The following PLPPR2 variants were observed in gnomAD, a reference collection of about 807,000 sequenced individuals.
PLPPR2 encodes phospholipid phosphatase related 2.
A neutral mutation model predicts 40.3 loss-of-function variants in PLPPR2; 11 were observed. The observed-to-expected ratio is 0.27, with a 90% CI of 0.17 to 0.45. The LOEUF is 0.45. Among genes scored for constraint, PLPPR2 ranks in the 20% least tolerant of loss-of-function variants. PLPPR2 has a pLI of 1.00. For synonymous variants in PLPPR2, 260 were observed against 290.8 expected, an observed-to-expected ratio of 0.89 and a Z score of 1.08; for missense variants, 497 against 640.7, an observed-to-expected ratio of 0.78 and a Z score of 2.42.
rs1338273378 is a variant in PLPPR2 at position 11,364,646 on chromosome 19, A to G, written c.1315A>G (p.Asn439Asp). 6.5e-7 allele frequency: 1 copy of G among 1,537,078 alleles called. No individual in the cohort carries two copies. The highest frequency in any genetic ancestry group is 2.0e-5 in the Admixed American group (1 of 50,976). The change falls in exon 10 of 10, where the codon AAC becomes GAC. Residue 439 changes from asparagine to aspartate, a missense_variant. Coordinates refer to ENST00000688289, the MANE Select transcript of PLPPR2 (RefSeq NM_001393892.1). This position sits in a 1 kb window ranked among gnomAD's most constrained non-coding sequence, Gnocchi z 5.8. Reference sequence around the variant, plus strand: ...CTATCCCTCCCCCTTCCACCGGGACAACTTCAGCCCTTACCTGTTTGCCAG... The same window carrying G: ...CTATCCCTCCCCCTTCCACCGGGACGACTTCAGCCCTTACCTGTTTGCCAG... ...GLYPSPFHRD[N>D]FSPYLFASRD...
In PLPPR2 at chr19:11,359,944, G is replaced by A; in HGVS notation, c.379G>A (p.Val127Ile). 6.2e-7 allele frequency: 1 copy of A among 1,606,660 alleles called. No homozygotes were observed. The highest frequency in any genetic ancestry group is 8.5e-7 in the Non-Finnish European group (1 of 1,175,984). Residue 127 changes from valine (V) to isoleucine (I), a missense_variant, in exon 5 of 10, where the codon GTC becomes ATC. Val to Ile is a conservative substitution (Grantham distance 29). Coordinates refer to ENST00000688289, the MANE Select transcript of PLPPR2 (RefSeq NM_001393892.1). This position sits in a 1 kb window ranked among gnomAD's most constrained non-coding sequence, Gnocchi z 5.6. The stretch of plus-strand genomic sequence containing the variant: ...CTTCAGCCCCCCAGTGCGGAGGCTG[G>A]TCCGCTTCCTGGGTGAGAGACATGG... ...CRFSPPVRRL[V>I]RFLGVYSFGL...
In PLPPR2 at chr19:11,364,348, G is replaced by A. The variant is rs201223823; in HGVS notation, c.1017G>A (p.Lys339=). ...HSTPARLTPS[K]SQNCARRGHL... Reference sequence around the variant, plus strand: ...TGATATCTGGCTTCTGACCACCAGAGTCGCAGAACTGCGCCCGCCGTGGCC... The same window carrying A: ...TGATATCTGGCTTCTGACCACCAGAATCGCAGAACTGCGCCCGCCGTGGCC... Residue 339 remains lysine (K), a splice_region_variant and synonymous_variant, in exon 10 of 10, where the codon AAG becomes AAA. Transcript: ENST00000688289. The surrounding 1 kb of genome is among the most constrained non-coding windows in gnomAD (Gnocchi z 5.8). 6.6e-7 allele frequency: 1 copy of A among 1,517,824 alleles called. No individual in the cohort carries two copies. The highest frequency in any genetic ancestry group is 8.8e-7 in the Non-Finnish European group (1 of 1,134,188). 94.0% of individuals were successfully genotyped at this position (1,517,824 alleles called of 1,614,324 possible). A position where few individuals can be genotyped will look rare whatever the true frequency, so the allele number is the denominator to read the frequency against.
At chr19:11,358,663 C>G (rs1268690828) in intron 3 of PLPPR2, among the ~76,000 whole-genome samples, 38 of 148,682 alleles carry the variant, frequency 2.6e-4, no homozygotes, top group Admixed American at 9.5e-4. Context: ...TTTCCTCTCT[C>G]TCTGTTTTTT....
chr19:11,364,507 G>A lies in PLPPR2; in HGVS notation c.1176G>A (p.Gln392=). ...PLPLPAPTPS[Q]GPSPSSPGPG... is the part of the protein sequence containing the mutation. ...CCCTGCCAGCGCCCACCCCCAGCCA[G>A]GGCCCCTCGCCTTCCTCCCCTGGAC... is the stretch of plus-strand genomic sequence containing the variant. The change falls in exon 10 of 10, where the codon CAG becomes CAA. Residue 392 remains glutamine, a synonymous_variant. Transcript: ENST00000688289. This position sits in a 1 kb window ranked among gnomAD's most constrained non-coding sequence, Gnocchi z 5.8. 1 of 1,526,280 alleles carries A rather than the reference G, an allele frequency of 6.6e-7. No homozygotes were observed. Among genetic ancestry groups the A allele is most frequent in the Non-Finnish European group, 8.8e-7 (1 of 1,141,248 alleles). The allele number at this position is 1,526,280 out of a possible 1,614,324, so 94.5% of individuals were successfully genotyped here.
Position 11,361,141 on chromosome 19 carries a change from G to C in PLPPR2, c.392-76G>C. On this transcript the variant is annotated intron_variant, in intron 5 of 9. Transcript: ENST00000688289. This position sits in a 1 kb window ranked among gnomAD's most constrained non-coding sequence, Gnocchi z 6.3. ...CTTTAATGACAGTCACAGGAAAAGGGAGCTAAGAGGCCCAATGGAATCAGT... is the reference window on the plus strand; with the variant it reads ...CTTTAATGACAGTCACAGGAAAAGGCAGCTAAGAGGCCCAATGGAATCAGT... 1.3e-6 allele frequency: 2 copies of C among 1,511,352 alleles called. No individual in the cohort carries two copies. The highest frequency in any genetic ancestry group is 2.5e-5 in the South Asian group (2 of 78,674). The allele number at this position is 1,511,352 out of a possible 1,614,324, so 93.6% of individuals were successfully genotyped here.
In PLPPR2 at chr19:11,362,609, G is replaced by A. The variant is rs917563422; in HGVS notation, c.760G>A (p.Val254Ile). 1 of 1,613,676 alleles carries A rather than the reference G, an allele frequency of 6.2e-7. No individual in the cohort carries two copies. The highest frequency in any genetic ancestry group is 8.5e-7 in the Non-Finnish European group (1 of 1,180,002). The change falls in exon 7 of 10, where the codon GTC becomes ATC. Residue 254 changes from valine (V) to isoleucine (I), a missense_variant. Coordinates refer to ENST00000688289, the MANE Select transcript of PLPPR2 (RefSeq NM_001393892.1). The surrounding 1 kb of genome is among the most constrained non-coding windows in gnomAD (Gnocchi z 5.3). ...LLCPAFLVGVVRVAEYRNHWS... is the reference protein window; with the variant it reads ...LLCPAFLVGVIRVAEYRNHWS... ...GTGCCCGGCCTTCCTGGTGGGCGTG[G>A]TCCGCGTGGCCGAGTACCGAAACCA...
In PLPPR2 at chr19:11,362,669, G is replaced by A; in HGVS notation, c.820G>A (p.Ala274Thr). The change falls in exon 7 of 10, where the codon GCG becomes ACG. Residue 274 changes from alanine (A) to threonine (T), a missense_variant. By Grantham distance (58) the Ala-to-Thr change is moderately conservative. Transcript: ENST00000688289. The surrounding 1 kb of genome is among the most constrained non-coding windows in gnomAD (Gnocchi z 5.3). ...SDVLAGFLTG[A>T]AIATFLVTCV... ...CGTGCTGGCTGGCTTCCTGACAGGG[G>A]CGGCCATCGCCACCTTTTTGGTGAG... 1.9e-6 allele frequency: 3 copies of A among 1,612,898 alleles called. No homozygotes were observed. Among genetic ancestry groups the A allele is most frequent in the Non-Finnish European group, 2.5e-6 (3 of 1,179,228 alleles).
rs377097574 is a variant in PLPPR2, at chr19:11,359,653, C to A, written c.188C>A (p.Pro63His). Residue 63 changes from proline to histidine, a missense_variant, in exon 4 of 10, where the codon CCT (proline) becomes CAT (histidine). Pro to His is a moderately conservative substitution (Grantham distance 77). Transcript: ENST00000688289. This position sits in a 1 kb window ranked among gnomAD's most constrained non-coding sequence, Gnocchi z 5.6. The part of the protein sequence containing the change: ...DSTYAKPYPG[P>H]EAASRVPPAL... ...ACCTACGCCAAGCCCTACCCAGGGC[C>A]TGAGGCTGCCAGCCGAGTGCCTCCT... 1 of 1,612,634 alleles carries A rather than the reference C, an allele frequency of 6.2e-7. No individual in the cohort carries two copies. Among genetic ancestry groups the A allele is most frequent in the African/African-American group, 1.3e-5 (1 of 74,924 alleles).
chr19:11,356,234 T>C (rs1330544355), intron 1 of PLPPR2, among the ~76,000 whole-genome samples: 3 of 152,070 alleles, frequency 2.0e-5, no homozygotes, highest in Non-Finnish European at 4.4e-5. Context: ...AATAAGAGAC[T>C]GTTAGTGTGT....
At position 11,357,711 on chromosome 19, in the gene PLPPR2, C is replaced by G. The variant is rs1475469317; in HGVS notation, c.38C>G (p.Ser13Cys). ...AGACCGCATCTGAAGAGGAGTTTCTCCATCATCCCCTGCTTTGTCTTCGTG... is the reference window on the plus strand; with the variant it reads ...AGACCGCATCTGAAGAGGAGTTTCTGCATCATCCCCTGCTTTGTCTTCGTG... ...GGRPHLKRSFSIIPCFVFVES... is the reference protein window; with the variant it reads ...GGRPHLKRSFCIIPCFVFVES... Residue 13 changes from serine to cysteine, a missense_variant, in exon 3 of 10, where the codon TCC (serine) becomes TGC (cysteine). Physicochemically the swap from Ser to Cys is moderately radical, Grantham distance 112. Transcript: ENST00000688289. 1.2e-6 allele frequency: 2 copies of G among 1,607,004 alleles called. No homozygotes were observed. The highest frequency in any genetic ancestry group is 2.3e-5 in the East Asian group (1 of 44,442).
intron 5 of PLPPR2, among the ~76,000 whole-genome samples, chr19:11,360,316 G>A (rs1356931117): frequency 6.6e-6 from 1 of 151,860 alleles, no homozygotes; most frequent in Non-Finnish European, 1.5e-5. Flanking sequence ...AGAATTCCAG[G>A]GAAAAGCTGG....
rs539301238 is a variant in PLPPR2 at position 11,361,073 on chromosome 19, A to C, written c.392-144A>C. 9.2e-7 allele frequency: 1 copy of C among 1,086,526 alleles called. No homozygotes were observed. The highest frequency in any genetic ancestry group is 2.6e-5 in the East Asian group (1 of 38,024). 67.3% of individuals were successfully genotyped at this position (1,086,526 alleles called of 1,614,324 possible). A position where few individuals can be genotyped will look rare whatever the true frequency, so the allele number is the denominator to read the frequency against. On this transcript the variant is annotated intron_variant, in intron 5 of 9. Coordinates refer to ENST00000688289, the MANE Select transcript of PLPPR2 (RefSeq NM_001393892.1). The surrounding 1 kb of genome is among the most constrained non-coding windows in gnomAD (Gnocchi z 6.3). ...CTCAGAGTACCTTCATGGTGGTCTT[A>C]AAGGAAGGGGGATGTTGGCACAACT...
Position 11,364,235 on chromosome 19 carries a change from G to T in PLPPR2, c.1015+23G>T. 1.2e-6 allele frequency: 2 copies of T among 1,602,120 alleles called. No homozygotes were observed. Among genetic ancestry groups the T allele is most frequent in the Non-Finnish European group, 1.7e-6 (2 of 1,172,736 alleles). ...CCAGTGAGTGTTGGGGGAGTGGGGG[G>T]CTAAACAGGGGGACTTCCAGGTGGG... On this transcript the variant is annotated intron_variant, in intron 9 of 9. Coordinates refer to ENST00000688289, the MANE Select transcript of PLPPR2 (RefSeq NM_001393892.1). This position sits in a 1 kb window ranked among gnomAD's most constrained non-coding sequence, Gnocchi z 5.8.
rs1568322276 is a variant in PLPPR2 at position 11,362,627 on chromosome 19, C to T, written c.778C>T (p.Arg260Ter). ...LVGVVRVAEY[R>*]NHWSDVLAGF... is the part of the protein sequence containing the mutation. ...GGGCGTGGTCCGCGTGGCCGAGTAC[C>T]GAAACCACTGGTCGGACGTGCTGGC... Residue 260 changes from arginine to a stop codon, truncating the protein, a stop_gained, in exon 7 of 10, where the codon CGA becomes TGA. Transcript: ENST00000688289. LOFTEE classifies it high-confidence loss of function. The surrounding 1 kb of genome is among the most constrained non-coding windows in gnomAD (Gnocchi z 5.3). 1 of 1,613,910 alleles carries T rather than the reference C, an allele frequency of 6.2e-7. No individual in the cohort carries two copies. Among genetic ancestry groups the T allele is most frequent in the Non-Finnish European group, 8.5e-7 (1 of 1,180,014 alleles).
In PLPPR2 at chr19:11,364,743, C is replaced by T. The variant is rs1230063668; in HGVS notation, c.*53C>T. 4.6e-6 allele frequency: 7 copies of T among 1,526,816 alleles called. No individual in the cohort carries two copies. Among genetic ancestry groups the T allele is most frequent in the Admixed American group, 2.0e-5 (1 of 50,592 alleles). The allele number at this position is 1,526,816 out of a possible 1,614,324, so 94.6% of individuals were successfully genotyped here. A position where few individuals can be genotyped will look rare whatever the true frequency, so the allele number is the denominator to read the frequency against. On this transcript the variant is annotated 3_prime_UTR_variant, in exon 10 of 10. Transcript: ENST00000688289. This position sits in a 1 kb window ranked among gnomAD's most constrained non-coding sequence, Gnocchi z 5.8. ...CAGTCCCCACTTCTTCCCTGCCACG[C>T]GTGTGTGTGCGTGTGCCACGTGAGT...
In PLPPR2 at chr19:11,363,196, G is replaced by A. The variant is rs544023265; in HGVS notation, c.840+507G>A. Among the ~76,000 whole-genome samples the A allele has an allele frequency of 1.5e-4, 23 of 151,622 alleles. 1 individual carries two copies. In the South Asian group the frequency reaches 4.8e-3, roughly 32 times the overall value. On this transcript the variant is annotated intron_variant, in intron 7 of 9. Transcript: ENST00000688289. The surrounding 1 kb of genome is among the most constrained non-coding windows in gnomAD (Gnocchi z 4.8). ...CTTGGGAGGCTGAGGCAGAAGAATCGCTTGAACCCGGGGGACGGAGGTTGC... is the reference window on the plus strand; with the variant it reads ...CTTGGGAGGCTGAGGCAGAAGAATCACTTGAACCCGGGGGACGGAGGTTGC...
chr19:11,359,937 G>A lies in PLPPR2; in HGVS notation c.372G>A (p.Arg124=), dbSNP rs1304561774. The part of the protein sequence containing the change: ...GACCRFSPPV[R]RLVRFLGVYS... The stretch of plus-strand genomic sequence containing the variant: ...GCTGCCGCTTCAGCCCCCCAGTGCG[G>A]AGGCTGGTCCGCTTCCTGGGTGAGA... The change falls in exon 5 of 10, where the codon CGG becomes CGA. Residue 124 remains arginine, a synonymous_variant. Coordinates refer to ENST00000688289, the MANE Select transcript of PLPPR2 (RefSeq NM_001393892.1). This position sits in a 1 kb window ranked among gnomAD's most constrained non-coding sequence, Gnocchi z 5.6. The A allele has an allele frequency of 6.2e-7, 1 of 1,609,510 alleles. No individual in the cohort carries two copies. Among genetic ancestry groups the A allele is most frequent in the East Asian group, 2.2e-5 (1 of 44,780 alleles).
At chr19:11,356,694 G>GT in intron 1 of PLPPR2, 108 bp from the exon 2 acceptor site, 4 of 153,168 alleles carry the variant, frequency 2.6e-5, no homozygotes, top group Admixed American at 6.6e-5. Flanking sequence ...GTGTGTGTGT[G>GT]GTGCCAGGAT....
At chr19:11,358,777 C>T (rs546172402) in intron 3 of PLPPR2, among the ~76,000 whole-genome samples, 1 of 151,816 alleles carries the variant, frequency 6.6e-6, no homozygotes, top group South Asian at 2.1e-4. Context: ...TGCAGTGGCA[C>T]GATCTTGGCT....
Sources: allele counts gnomAD v4.1 joint callset (sites outside exome capture counted in the v4.1 genomes callset), GRCh38; gene constraint gnomAD v4.1.1; non-coding constraint Gnocchi (gnomAD v3.1); transcripts MANE v1.5; gene names NCBI Gene and HGNC (gene_info 2026-07-23, HGNC 2026-07-21).